SUMF1: variants seen among roughly 807,000 people sequenced by gnomAD.
SUMF1 encodes the protein formylglycine-generating enzyme.
Under a neutral mutation model 47.6 loss-of-function variants are expected in SUMF1, and 48 were observed. The observed-to-expected ratio is 1.01, with a 90% confidence interval of 0.80 to 1.28. The LOEUF (loss-of-function observed/expected upper bound fraction) is 1.28, where lower values mean the gene tolerates loss of function less well. Ranked by LOEUF, SUMF1 falls within the 50% of genes most tolerant of loss-of-function variation. The pLI, the probability that SUMF1 is intolerant of heterozygous loss-of-function variation, is 0.00. For synonymous variants in SUMF1, 230 were observed against 192.1 expected, an observed-to-expected ratio of 1.20 and a Z score of -1.63; for missense variants, 571 against 485.4, an observed-to-expected ratio of 1.18 and a Z score of -1.66.
intron 9 of SUMF1, among the ~76,000 whole-genome samples, chr3:4,041,084 T>C (rs1432838417): frequency 6.6e-6 from 1 of 152,126 alleles, no homozygotes; most frequent in African/African-American, 2.4e-5. Context: ...TTTGCTTTTG[T>C]TTTTTTGAGA....
At chr3:4,075,934 A>T (rs922291827) in intron 8 of SUMF1, among the ~76,000 whole-genome samples, 9 of 152,156 alleles carry the variant, frequency 5.9e-5, no homozygotes, top group Non-Finnish European at 1.3e-4. Context: ...TATAGATTCA[A>T]TGCTATCCCC....
At chr3:4,058,830 C>T (rs1695233050) in intron 9 of SUMF1, among the ~76,000 whole-genome samples, 1 of 151,988 alleles carries the variant, frequency 6.6e-6, no homozygotes, top group Non-Finnish European at 1.5e-5. Flanking sequence ...AACCCAATGC[C>T]CCATTTCCAA....
Position 4,467,067 on chromosome 3 carries a change from G to T in SUMF1, c.179C>A (p.Ala60Asp), listed in dbSNP as rs886058521. ...CGCGTPQRPGAHGSSAAAHRY... is the reference protein window; with the variant it reads ...CGCGTPQRPGDHGSSAAAHRY... ...GTGAGCGGCTGCCGAACTGCCATGG[G>T]CGCCAGGCCGCTGGGGCGTGCCGCA... Residue 60 changes from alanine to aspartate, a missense_variant, in exon 1 of 9, where the codon GCC becomes GAC. By Grantham distance (126) the Ala-to-Asp change is moderately radical. Transcript: ENST00000272902. 1.3e-6 allele frequency: 2 copies of T among 1,565,376 alleles called. No individual in the cohort carries two copies. Among genetic ancestry groups the T allele is most frequent in the Non-Finnish European group, 1.7e-6 (2 of 1,156,366 alleles).
At chr3:4,463,840 C>T (rs1374480469) in intron 1 of SUMF1, among the ~76,000 whole-genome samples, 1 of 152,232 alleles carries the variant, frequency 6.6e-6, no homozygotes, top group Non-Finnish European at 1.5e-5. Flanking sequence ...GTTACAAAAT[C>T]ATAACCCACG....
intron 8 of SUMF1, among the ~76,000 whole-genome samples, chr3:4,176,499 G>A (rs960348233): frequency 1.3e-5 from 2 of 152,278 alleles, no homozygotes; most frequent in African/African-American, 4.8e-5. Flanking sequence ...GAGAGATTTT[G>A]TCACCACCAG....
chr3:4,363,043 G>A (rs1381763092), intron 8 of SUMF1, among the ~76,000 whole-genome samples: 1 of 152,150 alleles, frequency 6.6e-6, no homozygotes, highest in East Asian at 1.9e-4. Flanking sequence ...GCACCACAAT[G>A]TGCACAGTAG....
chr3:4,083,822 T>C (rs887851611), intron 8 of SUMF1, among the ~76,000 whole-genome samples: 14 of 150,656 alleles, frequency 9.3e-5, no homozygotes, highest in African/African-American at 3.4e-4. Flanking sequence ...GACATCATCG[T>C]TGGCACACAG....
intron 7 of SUMF1, among the ~76,000 whole-genome samples, chr3:4,392,162 T>C (rs1452377741): frequency 6.6e-6 from 1 of 152,180 alleles, no homozygotes; most frequent in Admixed American, 6.5e-5. Context: ...TCAGGATCAC[T>C]GAATCTTTCT....
At chr3:4,278,225 A>G (rs1391079887) in intron 8 of SUMF1, among the ~76,000 whole-genome samples, 2 of 152,078 alleles carry the variant, frequency 1.3e-5, no homozygotes, top group Non-Finnish European at 2.9e-5. Context: ...ATATTATGGC[A>G]TGTTCTATAA....
intron 8 of SUMF1, chr3:4,303,618 C>T (rs938091666): frequency 7.2e-7 from 1 of 1,381,938 alleles, no homozygotes; most frequent in Non-Finnish European, 9.4e-7. Context: ...CTCCCAGTCG[C>T]GACCTTTTGT....
intron 3 of SUMF1, among the ~76,000 whole-genome samples, chr3:4,425,755 C>T (rs946042922): frequency 6.6e-6 from 1 of 152,180 alleles, no homozygotes; most frequent in Non-Finnish European, 1.5e-5. Context: ...CTAATAAAGA[C>T]ATACCTGAAA....
At chr3:4,286,287 T>C (rs1043741606) in intron 8 of SUMF1, among the ~76,000 whole-genome samples, 7 of 152,080 alleles carry the variant, frequency 4.6e-5, no homozygotes, top group Non-Finnish European at 7.4e-5. Context: ...AAGTTTCTTA[T>C]TGTTCCTTTT....
intron 8 of SUMF1, among the ~76,000 whole-genome samples, chr3:4,277,426 C>A (rs1265242451): frequency 3.3e-5 from 5 of 151,778 alleles, no homozygotes; most frequent in African/African-American, 4.8e-5. Flanking sequence ...GAAAGATTAC[C>A]CAGGACAGTA....
chr3:4,179,971 AC>A (rs1188194009), intron 8 of SUMF1, among the ~76,000 whole-genome samples: 1 of 152,234 alleles, frequency 6.6e-6, no homozygotes, highest in Non-Finnish European at 1.5e-5. Context: ...CATTAGAGAA[AC>A]ACAAATGAAA....
chr3:4,383,568 G>C (rs1009789864), intron 7 of SUMF1, among the ~76,000 whole-genome samples: 1 of 152,178 alleles, frequency 6.6e-6, no homozygotes, highest in African/African-American at 2.4e-5. Flanking sequence ...AAGGATGTTT[G>C]TGTAACCAAC....
At chr3:4,301,458 G>A (rs571116523) in intron 8 of SUMF1, among the ~76,000 whole-genome samples, 1 of 152,206 alleles carries the variant, frequency 6.6e-6, no homozygotes, top group Admixed American at 6.5e-5. Context: ...GATCTTCAAA[G>A]GTCATTGTAG....
At chr3:4,242,113 G>C (rs973226655) in intron 8 of SUMF1, among the ~76,000 whole-genome samples, 1 of 152,146 alleles carries the variant, frequency 6.6e-6, no homozygotes, top group African/African-American at 2.4e-5. Flanking sequence ...TGTGATATTT[G>C]CACATTGACT....
intron 9 of SUMF1, among the ~76,000 whole-genome samples, chr3:4,037,135 T>C (rs1391288435): frequency 2.6e-5 from 4 of 152,200 alleles, no homozygotes; most frequent in African/African-American, 9.7e-5. Context: ...TCAAATACAT[T>C]GAGAGAAGAG....
At chr3:4,317,375 G>C (rs1698707616) in intron 8 of SUMF1, 2 of 689,650 alleles carry the variant, frequency 2.9e-6, no homozygotes, top group South Asian at 2.0e-5. Flanking sequence ...TAGATTCCAC[G>C]GACTTTATTA....
Sources: allele counts gnomAD v4.1 joint callset (sites outside exome capture counted in the v4.1 genomes callset), GRCh38; gene constraint gnomAD v4.1.1; transcripts MANE v1.5; gene names NCBI Gene and HGNC (gene_info 2026-07-23, HGNC 2026-07-21).